Variants in RIMS2 observed in about 807,000 individuals in gnomAD.
The protein encoded by RIMS2 is regulating synaptic membrane exocytosis protein 2.
In RIMS2, 59 loss-of-function variants were observed where a neutral mutation model predicts 174.4. The ratio of observed to expected loss-of-function variants is 0.34; its 90% CI spans 0.27 to 0.42. RIMS2 has a LOEUF of 0.42. Among genes scored for constraint, RIMS2 ranks in the 10% least tolerant of loss-of-function variants. The pLI is 1.00. For synonymous variants in RIMS2, 606 were observed against 572.5 expected (o/e 1.06, Z -0.84); for missense variants, 1,620 against 1,666.3 (o/e 0.97, Z 0.48).
At chr8:104,214,298 G>T (rs996257251) in intron 19 of RIMS2, among the ~76,000 whole-genome samples, 4 of 152,126 alleles carry the variant, frequency 2.6e-5, no homozygotes, top group African/African-American at 9.7e-5. Flanking sequence ...CTTGTTAGAC[G>T]TGAGCCACTC....
chr8:104,024,580 G>A (rs1178469460), intron 19 of RIMS2, among the ~76,000 whole-genome samples: 1 of 152,016 alleles, frequency 6.6e-6, no homozygotes, highest in Non-Finnish European at 1.5e-5. Flanking sequence ...TTAGACATTA[G>A]CTAAAGATGT....
intron 19 of RIMS2, among the ~76,000 whole-genome samples, 171 bp downstream of exon 25, chr8:104,149,019 A>G (rs1459312037): frequency 5.9e-5 from 9 of 152,196 alleles, no homozygotes; most frequent in Admixed American, 5.9e-4. Context: ...TGTTTTTTCC[A>G]GTGATCAATG....
rs183125395 is a variant in RIMS2, at chr8:103,953,560, T to A, written c.2702-7505T>A. On this transcript the variant is annotated intron_variant, in intron 14 of 23. Transcript: ENST00000504942. ...GCAGACAAGGAAATGCTGAGAGATT[T>A]TGTCACCACCAGGCCTGTCCTACGA... 3.1e-4 allele frequency among the ~76,000 whole-genome samples: 47 copies of A among 152,206 alleles called. No homozygotes were observed. In the South Asian group the frequency reaches 6.9e-3, roughly 22 times the overall value.
chr8:103,969,015 C>T (rs138391254), intron 15 of RIMS2, among the ~76,000 whole-genome samples: 90 of 152,166 alleles, frequency 5.9e-4, no homozygotes, highest in African/African-American at 2.1e-3. Flanking sequence ...TCTTCCAAGC[C>T]TTCAAATATT....
chr8:103,768,465 C>G, intron 3 of RIMS2: 1 of 793,046 alleles, frequency 1.3e-6, no homozygotes, highest in Non-Finnish European at 2.3e-6. Flanking sequence ...CAATGGTTCC[C>G]CATGAAGAGG....
At chr8:103,570,213 G>C (rs900482997) in intron 1 of RIMS2, among the ~76,000 whole-genome samples, 1 of 151,978 alleles carries the variant, frequency 6.6e-6, no homozygotes, top group Admixed American at 6.6e-5. Context: ...TTGTAGGTTT[G>C]TTTCTAGACC....
chr8:103,805,593 C>T (rs1238700572), intron 3 of RIMS2, among the ~76,000 whole-genome samples: 1 of 152,094 alleles, frequency 6.6e-6, no homozygotes, highest in Non-Finnish European at 1.5e-5. Flanking sequence ...TAGAACAGTT[C>T]TCACTTTGCT....
intron 19 of RIMS2, chr8:104,223,503 G>T (rs2099166244): frequency 1.9e-5 from 27 of 1,399,586 alleles, no homozygotes; most frequent in Non-Finnish European, 2.5e-5. Flanking sequence ...CTCCGGGCTG[G>T]GTCAGGGAGG....
chr8:103,854,515 A>G (rs1419932141), intron 3 of RIMS2, among the ~76,000 whole-genome samples: 2 of 149,354 alleles, frequency 1.3e-5, no homozygotes, highest in African/African-American at 4.9e-5. Flanking sequence ...GGCTCTTATT[A>G]TTTTGAGACA....
intron 19 of RIMS2, among the ~76,000 whole-genome samples, chr8:104,189,470 T>C (rs1049360924): frequency 6.6e-6 from 1 of 151,690 alleles, no homozygotes; most frequent in Non-Finnish European, 1.5e-5. Flanking sequence ...GAACCTAATA[T>C]TTCCCTAGAG....
intron 17 of RIMS2, among the ~76,000 whole-genome samples, chr8:103,992,325 C>T (rs942058946): frequency 2.9e-5 from 4 of 136,832 alleles, no homozygotes; most frequent in Non-Finnish European, 1.6e-5. Flanking sequence ...GGGGTTTCGC[C>T]ATGTTGGCCA....
chr8:103,686,581 A>G (rs1054610670), intron 1 of RIMS2, among the ~76,000 whole-genome samples: 2 of 152,144 alleles, frequency 1.3e-5, no homozygotes, highest in Non-Finnish European at 2.9e-5. Flanking sequence ...AATATGACAG[A>G]TTATATTGCT....
chr8:104,100,618 CCAT>C (rs1367508551), intron 19 of RIMS2, among the ~76,000 whole-genome samples: 20 of 151,580 alleles, frequency 1.3e-4, no homozygotes, highest in African/African-American at 4.6e-4. Flanking sequence ...TGCTACTCAT[CCAT>C]TTTAGAATAG....
chr8:103,558,926 G>A lies in RIMS2; in HGVS notation c.176+57864G>A, dbSNP rs190282055. Among the ~76,000 whole-genome samples, 132 of 152,204 alleles carry A rather than the reference G, an allele frequency of 8.7e-4. 1 individual carries two copies. The highest frequency in any genetic ancestry group is 2.8e-3 in the African/African-American group (116 of 41,522). ...TACAAATTCTTGTGGTTTTGTTTGG[G>A]TGGTGGAGAGCATGCATCATTTACA... On this transcript the variant is annotated intron_variant, in intron 1 of 23. Coordinates refer to ENST00000504942, the Ensembl canonical transcript of RIMS2.
intron 1 of RIMS2, among the ~76,000 whole-genome samples, chr8:103,615,521 C>A (rs2095484818): frequency 6.6e-6 from 1 of 151,738 alleles, no homozygotes; most frequent in Admixed American, 6.6e-5. Context: ...TGAGAAATAA[C>A]AAAAATTAGA....
At chr8:104,200,005 AC>A (rs1227955831) in intron 19 of RIMS2, among the ~76,000 whole-genome samples, 1 of 152,146 alleles carries the variant, frequency 6.6e-6, no homozygotes, top group Non-Finnish European at 1.5e-5. Flanking sequence ...CAGACTAGAA[AC>A]CCTGTCATGA....
At chr8:103,520,282 A>G (rs1003390208) in intron 1 of RIMS2, among the ~76,000 whole-genome samples, 2 of 152,154 alleles carry the variant, frequency 1.3e-5, no homozygotes, top group African/African-American at 2.4e-5. Flanking sequence ...TTCTGCTGCC[A>G]TGCTTGTGCT....
chr8:104,251,170 A>G lies in RIMS2; in HGVS notation c.3831+7A>G. On this transcript the variant is annotated splice_region_variant and intron_variant, in intron 23 of 23. Coordinates refer to ENST00000504942, the Ensembl canonical transcript of RIMS2. Reference sequence around the variant, plus strand: ...ACAAGGAAAAGTTTTACAGGTATCTACTTAATTGTTTATCCCTTACCTAAG... The same window carrying G: ...ACAAGGAAAAGTTTTACAGGTATCTGCTTAATTGTTTATCCCTTACCTAAG... 3 of 1,604,556 alleles carry G rather than the reference A, an allele frequency of 1.9e-6. No individual in the cohort carries two copies. The highest frequency in any genetic ancestry group is 2.6e-6 in the Non-Finnish European group (3 of 1,174,008).
At chr8:104,109,615 C>T (rs905992226) in intron 19 of RIMS2, among the ~76,000 whole-genome samples, 2 of 152,030 alleles carry the variant, frequency 1.3e-5, no homozygotes, top group Non-Finnish European at 2.9e-5. Flanking sequence ...AGAAAGGAAT[C>T]GGAAAGAGGA....
Sources: gnomAD v4.1 joint callset for allele counts (sites outside exome capture counted in the v4.1 genomes callset) on GRCh38, gnomAD v4.1.1 for gene constraint, MANE v1.5 for transcripts, NCBI Gene and HGNC (gene_info 2026-07-23, HGNC 2026-07-21) for gene names.